Variants in DLG2 observed in about 807,000 individuals in gnomAD.
DLG2 encodes the protein discs large MAGUK scaffold protein 2, also known as disks large homolog 2.
Under a neutral mutation model 132.5 loss-of-function variants are expected in DLG2, and 45 were observed. The observed-to-expected ratio is 0.34, with a 90% confidence interval of 0.27 to 0.44. The LOEUF is 0.44. DLG2 is among the 20% of genes least tolerant of loss of function. The pLI is 1.00. For missense variants in DLG2, 1,045 were observed against 1,196.9 expected (o/e 0.87, Z 1.87); for synonymous variants, 424 against 419.6 (o/e 1.01, Z -0.13).
intron 3 of DLG2, among the ~76,000 whole-genome samples, chr11:85,335,115 A>C (rs1453521202): frequency 6.6e-6 from 1 of 152,154 alleles, no homozygotes; most frequent in Non-Finnish European, 1.5e-5. Flanking sequence ...TGTTGGGTGC[A>C]TATATATTTA....
chr11:83,937,471 G>T (rs1007748081), intron 14 of DLG2, among the ~76,000 whole-genome samples: 6 of 134,618 alleles, frequency 4.5e-5, no homozygotes, highest in African/African-American at 1.7e-4. Context: ...TTGTGCCACC[G>T]CACTCCAGCC....
intron 19 of DLG2, among the ~76,000 whole-genome samples, chr11:83,583,543 A>G (rs2097021379): frequency 6.6e-6 from 1 of 152,148 alleles, no homozygotes; most frequent in Non-Finnish European, 1.5e-5. Flanking sequence ...CATAATATGG[A>G]AGATTTGGAG....
intron 6 of DLG2, among the ~76,000 whole-genome samples, chr11:85,070,047 G>C (rs536429263): frequency 5.9e-5 from 9 of 151,604 alleles, no homozygotes; most frequent in Non-Finnish European, 1.0e-4. Context: ...GCAAACTATC[G>C]CAAGGACAAA....
At chr11:84,899,245 T>A (rs1317792490) in intron 6 of DLG2, among the ~76,000 whole-genome samples, 1 of 152,084 alleles carries the variant, frequency 6.6e-6, no homozygotes, top group Non-Finnish European at 1.5e-5. Flanking sequence ...TTCCCCACTC[T>A]GATGAAATTA....
At chr11:84,370,346 C>T (rs769605737) in intron 7 of DLG2, among the ~76,000 whole-genome samples, 65 of 152,076 alleles carry the variant, frequency 4.3e-4, no homozygotes, top group South Asian at 1.9e-3. Context: ...TGTAATTACA[C>T]CTTTAAAATC....
chr11:85,122,975 T>TATATATATATATATATATATA lies in DLG2; in HGVS notation c.283-11241_283-11240insTATATATATATATATATATAT, dbSNP rs57980898. On this transcript the variant is annotated intron_variant, in intron 5 of 27. Coordinates refer to ENST00000376104, the MANE Select transcript of DLG2 (RefSeq NM_001142699.3). ...TATATATATATATATATATATTTTT[T>TATATATATATATATATATATA]TTTTTTTTTTTTTTTTTTTTGAGAC... 1.0e-4 allele frequency among the ~76,000 whole-genome samples: 5 copies of TATATATATATATATATATATA among 49,924 alleles called. No homozygotes were observed. In the South Asian group the frequency reaches 2.2e-3, roughly 22 times the overall value. The allele number at this position is 49,924 out of a possible 152,430, so 32.8% of individuals were successfully genotyped here.
At chr11:83,671,337 A>T (rs1156622360) in intron 18 of DLG2, among the ~76,000 whole-genome samples, 1 of 152,212 alleles carries the variant, frequency 6.6e-6, no homozygotes, top group Non-Finnish European at 1.5e-5. Context: ...GGGGAAATCA[A>T]CGTGAACCCA....
chr11:85,499,462 C>T (rs879120309), intron 3 of DLG2, among the ~76,000 whole-genome samples: 2 of 152,028 alleles, frequency 1.3e-5, no homozygotes, highest in South Asian at 2.1e-4. Flanking sequence ...AATAGCCTAC[C>T]AACCAAAAAA....
chr11:85,521,331 C>G (rs921906685), intron 3 of DLG2, among the ~76,000 whole-genome samples: 1 of 152,182 alleles, frequency 6.6e-6, no homozygotes, highest in African/African-American at 2.4e-5. Context: ...TCTTCTCTCT[C>G]CTGCCACCAT....
chr11:84,784,531 A>T (rs907960510), intron 6 of DLG2, among the ~76,000 whole-genome samples: 3 of 151,944 alleles, frequency 2.0e-5, no homozygotes, highest in Non-Finnish European at 4.4e-5. Context: ...AACCAACTTT[A>T]TGTCATCTAT....
chr11:84,994,245 T>C (rs1271515500), intron 6 of DLG2, among the ~76,000 whole-genome samples: 3 of 152,218 alleles, frequency 2.0e-5, no homozygotes, highest in African/African-American at 7.2e-5. Context: ...TACTCATCTC[T>C]ACTGTTTCCT....
intron 6 of DLG2, among the ~76,000 whole-genome samples, chr11:84,549,975 C>T (rs1248555894): frequency 2.6e-5 from 4 of 152,020 alleles, no homozygotes; most frequent in South Asian, 2.1e-4. Flanking sequence ...AGGCTGGCCT[C>T]GAACTCCTGG....
chr11:84,115,693 G>A (rs1458871077), intron 9 of DLG2, among the ~76,000 whole-genome samples: 1 of 152,096 alleles, frequency 6.6e-6, no homozygotes, highest in East Asian at 1.9e-4. Context: ...CCCAGCTCAA[G>A]CGTTACCACC....
chr11:84,590,748 A>G (rs1277953178), intron 6 of DLG2, among the ~76,000 whole-genome samples: 1 of 152,120 alleles, frequency 6.6e-6, no homozygotes, highest in Non-Finnish European at 1.5e-5. Context: ...GATGCTCTGG[A>G]CTATATAGCT....
intron 6 of DLG2, among the ~76,000 whole-genome samples, chr11:84,808,656 G>A (rs868069867): frequency 6.6e-6 from 1 of 151,900 alleles, no homozygotes; most frequent in Non-Finnish European, 1.5e-5. Flanking sequence ...CAGAGGACAA[G>A]AAGTGAGTAC....
chr11:84,636,546 T>C (rs1246222776), intron 6 of DLG2, among the ~76,000 whole-genome samples: 1 of 152,144 alleles, frequency 6.6e-6, no homozygotes, highest in Non-Finnish European at 1.5e-5. Context: ...TCATTTTGGG[T>C]ACAAAACAGA....
In DLG2 at chr11:85,432,351, C is replaced by G. The variant is rs142811176; in HGVS notation, c.41-146986G>C. 2.5e-3 allele frequency among the ~76,000 whole-genome samples: 379 copies of G among 152,206 alleles called. 1 individual carries two copies. Among genetic ancestry groups the G allele is most frequent in the African/African-American group, 8.8e-3 (367 of 41,538 alleles). On this transcript the variant is annotated intron_variant, in intron 3 of 27. Transcript: ENST00000376104. ...TAGATGAATTGACAGAAGTAGGCTT[C>G]AGAATCTGGGTAATAACAAACTTCA... is the stretch of plus-strand genomic sequence containing the variant.
At chr11:83,880,417 C>A (rs1376882485) in intron 15 of DLG2, among the ~76,000 whole-genome samples, 2 of 152,078 alleles carry the variant, frequency 1.3e-5, no homozygotes, top group Non-Finnish European at 2.9e-5. Flanking sequence ...GTAGAATATT[C>A]AGGAATTAAT....
chr11:84,752,412 TAA>T (rs1010780674), intron 6 of DLG2, among the ~76,000 whole-genome samples: 45 of 152,092 alleles, frequency 3.0e-4, no homozygotes, highest in African/African-American at 1.1e-3. Flanking sequence ...AATAACTTTT[TAA>T]AAAAACTGTA....
Sources: allele counts gnomAD v4.1 joint callset (sites outside exome capture counted in the v4.1 genomes callset), GRCh38; gene constraint gnomAD v4.1.1; transcripts MANE v1.5; gene names NCBI Gene and HGNC (gene_info 2026-07-23, HGNC 2026-07-21).